Variants in PSCA observed in about 807,000 individuals in gnomAD.
The protein encoded by PSCA is prostate stem cell antigen.
A neutral mutation model predicts 7.9 loss-of-function variants in PSCA; 7 were observed. That is an observed-to-expected ratio of 0.89 (90% CI 0.51 to 1.67). The LOEUF (loss-of-function observed/expected upper bound fraction) is 1.67, where lower values mean the gene tolerates loss of function less well. Ranked by LOEUF, PSCA falls within the 40% of genes most tolerant of loss-of-function variation. PSCA has a pLI of 0.00. For missense variants in PSCA, 151 were observed against 147.9 expected, an observed-to-expected ratio of 1.02 and a Z score of -0.11; for synonymous variants, 61 against 68.3, an observed-to-expected ratio of 0.89 and a Z score of 0.53.
rs782519351 is a variant in PSCA, at chr8:142,681,410, G to A, written c.109G>A (p.Glu37Lys). Residue 37 changes from glutamate to lysine, a missense_variant, in exon 2 of 3, where the codon GAG (glutamate) becomes AAG (lysine). By Grantham distance (56) the Glu-to-Lys change is moderately conservative (BLOSUM62 1). Transcript: ENST00000301258. ...LQVENCTQLG[E>K]QCWTARIRAV... ...GGTGGAGAACTGCACCCAGCTGGGGGAGCAGTGCTGGACCGCGCGCATCCG... is the reference window on the plus strand; with the variant it reads ...GGTGGAGAACTGCACCCAGCTGGGGAAGCAGTGCTGGACCGCGCGCATCCG... 3.8e-6 allele frequency: 6 copies of A among 1,592,814 alleles called. No homozygotes were observed. Among genetic ancestry groups the A allele is most frequent in the East Asian group, 2.3e-5 (1 of 43,824 alleles).
At chr8:142,680,090 C>T (rs1435099756), upstream of PSCA, 1 of 178,394 alleles carries the variant, frequency 5.6e-6, no homozygotes, top group Admixed American at 5.6e-5. Flanking sequence ...CCCTGCGGGC[C>T]GTGGGCCCCA....
chr8:142,681,559 C>A, intron 2 of PSCA, 125 bp downstream of exon 2: 2 of 788,530 alleles, frequency 2.5e-6, no homozygotes, highest in Non-Finnish European at 4.2e-6. Context: ...CCCGCACCTG[C>A]ACCCCCAACA....
chr8:142,681,896 A>G, intron 2 of PSCA, 25 bp from the exon 3 acceptor site: 1 of 1,499,576 alleles, frequency 6.7e-7, no homozygotes, highest in Non-Finnish European at 9.0e-7. Flanking sequence ...GGGCAGCCCC[A>G]TCCCCGGATC....
chr8:142,681,888 G>A lies in PSCA; in HGVS notation c.134-33G>A, dbSNP rs376568974. Reference sequence around the variant, plus strand: ...CAGGTCAGGCAGGTGAGCACACAGGGCAGCCCCATCCCCGGATCCCGCTGC... The same window carrying A: ...CAGGTCAGGCAGGTGAGCACACAGGACAGCCCCATCCCCGGATCCCGCTGC... On this transcript the variant is annotated intron_variant, in intron 2 of 2. Coordinates refer to ENST00000301258, the MANE Select transcript of PSCA (RefSeq NM_005672.5). The A allele has an allele frequency of 2.1e-4, 305 of 1,473,890 alleles. No homozygotes were observed. In the African/African-American group the frequency reaches 3.7e-3, roughly 18 times the overall value. 91.3% of individuals were successfully genotyped at this position (1,473,890 alleles called of 1,614,324 possible).
In PSCA at chr8:142,681,399, C is replaced by T. The variant is rs1554638311; in HGVS notation, c.98C>T (p.Thr33Ile). The T allele has an allele frequency of 5.0e-6, 8 of 1,594,016 alleles. No individual in the cohort carries two copies. The Admixed American group carries it at 1.2e-4, about 24-fold the overall frequency. Residue 33 changes from threonine (T) to isoleucine (I), a missense_variant, in exon 2 of 3, where the codon ACC becomes ATC. Transcript: ENST00000301258. ...NEDCLQVENC[T>I]QLGEQCWTAR... ...GACTGCCTGCAGGTGGAGAACTGCA[C>T]CCAGCTGGGGGAGCAGTGCTGGACC...
In PSCA at chr8:142,681,314, C is replaced by T. The variant is rs782529477; in HGVS notation, c.26-13C>T. 5.8e-6 allele frequency: 9 copies of T among 1,548,620 alleles called. No homozygotes were observed. The East Asian group carries it at 1.5e-4, about 25-fold the overall frequency. On this transcript the variant is annotated splice_polypyrimidine_tract_variant and intron_variant, in intron 1 of 2. Transcript: ENST00000301258. ...GGGGCAGCCTCTGAGGCCCCTCCCA[C>T]TCCACCCCACAGGCACTGCCCTGCT...
chr8:142,678,005 G>T (rs1468957898), upstream of PSCA, among the ~76,000 whole-genome samples: 1 of 152,030 alleles, frequency 6.6e-6, no homozygotes, highest in Middle Eastern at 3.2e-3. Flanking sequence ...GTCTTGCATC[G>T]TCCCTGCCCC....
chr8:142,675,983 A>G (rs1847396537), upstream of PSCA: 2 of 152,250 alleles, frequency 1.3e-5, no homozygotes, highest in Admixed American at 1.3e-4. Context: ...GTGTTCCAGC[A>G]TGGGACCGTG....
chr8:142,675,281 G>A (rs1847385919), intron 1 of PSCA, among the ~76,000 whole-genome samples: 1 of 152,196 alleles, frequency 6.6e-6, no homozygotes, highest in South Asian at 2.1e-4. Context: ...AAGGGGCCTG[G>A]CTGGTGGGGC....
At chr8:142,670,877 A>C (rs1432803566) in intron 1 of PSCA, among the ~76,000 whole-genome samples, 1 of 152,236 alleles carries the variant, frequency 6.6e-6, no homozygotes, top group Admixed American at 6.5e-5. Context: ...GATTGGTTCC[A>C]GCACTTCTCA....
Position 142,673,227 on chromosome 8 carries a change from T to A in PSCA, n.261+2659T>A, listed in dbSNP as rs1847355753. Among the ~76,000 whole-genome samples, 1 of 152,022 alleles carries A rather than the reference T, an allele frequency of 6.6e-6. No individual in the cohort carries two copies. Among genetic ancestry groups the A allele is most frequent in the African/African-American group, 2.4e-5 (1 of 41,274 alleles). On this transcript the variant is annotated intron_variant and non_coding_transcript_variant, in intron 1 of 1. Coordinates refer to the PSCA transcript ENST00000505305. This position sits in a 1 kb window ranked among gnomAD's most constrained non-coding sequence, Gnocchi z 4.6. ...TCACTATCTGCCTAAATAATTTATTTTTAACTCCTATTTTTAACTGCCACC... is the reference window on the plus strand; with the variant it reads ...TCACTATCTGCCTAAATAATTTATTATTAACTCCTATTTTTAACTGCCACC...
rs183654220 is a variant in PSCA at position 142,671,609 on chromosome 8, A to G, written n.261+1041A>G. 8.5e-3 allele frequency among the ~76,000 whole-genome samples: 1,289 copies of G among 152,258 alleles called. 4 individuals carry two copies. Among genetic ancestry groups the G allele is most frequent in the Non-Finnish European group, 0.012 (835 of 68,016 alleles). The stretch of plus-strand genomic sequence containing the variant: ...CACTCTGTTGCCCAGGCTGGAGTGC[A>G]GTGGTACATTCTCCTCACCGCAGCT... On this transcript the variant is annotated intron_variant and non_coding_transcript_variant, in intron 1 of 1. Transcript: ENST00000505305.
rs1196192125 is a variant in PSCA at position 142,681,324 on chromosome 8, C to T, written c.26-3C>T. On this transcript the variant is annotated splice_polypyrimidine_tract_variant and splice_region_variant and intron_variant, in intron 1 of 2. Transcript: ENST00000301258. ...CTGAGGCCCCTCCCACTCCACCCCA[C>T]AGGCACTGCCCTGCTGTGCTACTCC... 6.4e-7 allele frequency: 1 copy of T among 1,553,746 alleles called. No homozygotes were observed. Among genetic ancestry groups the T allele is most frequent in the Non-Finnish European group, 8.7e-7 (1 of 1,147,874 alleles).
At chr8:142,674,800 G>A (rs2920285) in intron 1 of PSCA, among the ~76,000 whole-genome samples, 1 of 152,042 alleles carries the variant, frequency 6.6e-6, no homozygotes, top group Non-Finnish European at 1.5e-5. Context: ...ACAGCAGCCT[G>A]CTTCTGCACT....
Position 142,682,501 on chromosome 8 carries a change from C to A in PSCA, c.*369C>A, listed in dbSNP as rs111601858. 2.0e-3 allele frequency: 1,049 copies of A among 520,446 alleles called. 3 individuals are homozygous for A. Among genetic ancestry groups the A allele is most frequent in the Non-Finnish European group, 3.1e-3 (841 of 268,404 alleles). The allele number at this position is 520,446 out of a possible 1,614,324, so 32.2% of individuals were successfully genotyped here. On this transcript the variant is annotated 3_prime_UTR_variant, in exon 3 of 3. Transcript: ENST00000301258. ...TTGAGCCAGGTCTGGTCCGTGGTGT[C>A]CCCCGCACCCAGCAGGGGACAGGCA...
At position 142,673,427 on chromosome 8, in the gene PSCA, G is replaced by A. The variant is rs924204914; in HGVS notation, n.261+2859G>A. Among the ~76,000 whole-genome samples, 1 of 152,284 alleles carries A rather than the reference G, an allele frequency of 6.6e-6. No homozygotes were observed. The highest frequency in any genetic ancestry group is 2.4e-5 in the African/African-American group (1 of 41,568). ...AGGACCAAGTCCATTCTGACACTGG[G>A]AGGGGTCAGAAAGAGAGGAAGAAAA... On this transcript the variant is annotated intron_variant and non_coding_transcript_variant, in intron 1 of 1. Transcript: ENST00000505305. The surrounding 1 kb of genome is among the most constrained non-coding windows in gnomAD (Gnocchi z 4.6).
chr8:142,681,694 TACTC>T (rs1373142682), intron 2 of PSCA: 36 of 604,654 alleles, frequency 6.0e-5, no homozygotes, highest in African/African-American at 4.6e-4. Flanking sequence ...TGAGCTCACT[TACTC>T]ACTCACCCCA....
rs142979281 is a variant in PSCA at position 142,680,855 on chromosome 8, G to A, written c.25+292G>A. 188 of 562,938 alleles carry A rather than the reference G, an allele frequency of 3.3e-4. 1 individual carries two copies. Among genetic ancestry groups the A allele is most frequent in the Middle Eastern group, 2.9e-3 (6 of 2,094 alleles). 34.9% of individuals were successfully genotyped at this position (562,938 alleles called of 1,614,324 possible). ...CTAGGGGGCAGGTAGACAGACTGAC[G>A]GATGGATGGGCAGAGATGCTGATGA... On this transcript the variant is annotated intron_variant, in intron 1 of 2. Transcript: ENST00000301258.
At chr8:142,675,968 G>T (rs1280176590), upstream of PSCA, 2 of 152,222 alleles carry the variant, frequency 1.3e-5, no homozygotes, top group Non-Finnish European at 2.9e-5. Context: ...TACACACAGG[G>T]ATGTGTGTTC....
Sources: gnomAD v4.1 joint callset for allele counts (sites outside exome capture counted in the v4.1 genomes callset) on GRCh38, gnomAD v4.1.1 for gene constraint, Gnocchi (gnomAD v3.1) non-coding constraint, MANE v1.5 for transcripts, NCBI Gene and HGNC (gene_info 2026-07-23, HGNC 2026-07-21) for gene names.